Variants in COBLL1 observed in about 807,000 individuals in gnomAD.
COBLL1 encodes the protein cordon-bleu WH2 repeat protein like 1.
A neutral mutation model predicts 94.8 loss-of-function variants in COBLL1; 50 were observed. The ratio of observed to expected loss-of-function variants is 0.53; its 90% CI spans 0.42 to 0.67. The LOEUF (loss-of-function observed/expected upper bound fraction) is 0.67. COBLL1 is among the 30% of genes least tolerant of loss of function. The probability of loss-of-function intolerance (pLI) is 0.00; values close to 1 mark genes in which losing one functional copy is unlikely to be tolerated. For missense variants in COBLL1, 1,362 were observed against 1,348.7 expected (o/e 1.01, Z -0.15); for synonymous variants, 448 against 473.8 (o/e 0.95, Z 0.71).
intron 2 of COBLL1, among the ~76,000 whole-genome samples, chr2:164,753,646 AGTTT>A: frequency 6.6e-6 from 1 of 151,944 alleles, no homozygotes; most frequent in East Asian, 1.9e-4. Context: ...CTACAGTTTT[AGTTT>A]ATTTAGTTTT....
At chr2:164,737,996 A>G (rs770199186) in intron 3 of COBLL1, among the ~76,000 whole-genome samples, 17 of 152,220 alleles carry the variant, frequency 1.1e-4, no homozygotes, top group Non-Finnish European at 1.9e-4. Context: ...GAGATCACAC[A>G]GCAAGTCTAG....
chr2:164,740,324 C>T (rs1384697977), intron 3 of COBLL1, among the ~76,000 whole-genome samples: 2 of 152,068 alleles, frequency 1.3e-5, no homozygotes, highest in Non-Finnish European at 2.9e-5. Flanking sequence ...GCTCTTACCA[C>T]TGCACTCCAG....
intron 2 of COBLL1, among the ~76,000 whole-genome samples, chr2:164,801,382 T>C (rs1683781440): frequency 7.6e-6 from 1 of 131,958 alleles, no homozygotes; most frequent in Non-Finnish European, 1.5e-5. Context: ...GAGCTTGCAG[T>C]GAGCCGAGAT....
intron 1 of COBLL1, among the ~76,000 whole-genome samples, chr2:164,666,100 T>C (rs1317021708): frequency 6.6e-6 from 1 of 152,208 alleles, no homozygotes; most frequent in Non-Finnish European, 1.5e-5. Flanking sequence ...AACATCACTA[T>C]GTATCCCATA....
At chr2:164,792,694 G>T (rs1463527984) in intron 2 of COBLL1, among the ~76,000 whole-genome samples, 1 of 152,122 alleles carries the variant, frequency 6.6e-6, no homozygotes, top group Non-Finnish European at 1.5e-5. Context: ...TGTCTTTAGA[G>T]GAAAAAGACA....
intron 2 of COBLL1, among the ~76,000 whole-genome samples, chr2:164,759,858 C>A (rs116696190): frequency 1.3e-5 from 2 of 152,272 alleles, no homozygotes; most frequent in East Asian, 3.9e-4. Context: ...TGATGATCTA[C>A]CACTACACAC....
In COBLL1 at chr2:164,743,604, C is replaced by A. The variant is rs1686706034; in HGVS notation, c.230+83G>T. The A allele has an allele frequency of 2.7e-6, 3 of 1,097,542 alleles. No individual in the cohort carries two copies. In the East Asian group the frequency reaches 7.2e-5, roughly 26 times the overall value. 68.0% of individuals were successfully genotyped at this position (1,097,542 alleles called of 1,614,324 possible). A position where few individuals can be genotyped will look rare whatever the true frequency, so the allele number is the denominator to read the frequency against. Reference sequence around the variant, plus strand: ...ATAAATGAAGTGTTTTGTCAAAGAACAAACATCAAGACGTATATCACAGAG... The same window carrying A: ...ATAAATGAAGTGTTTTGTCAAAGAAAAAACATCAAGACGTATATCACAGAG... On this transcript the variant is annotated intron_variant, in intron 3 of 13. Transcript: ENST00000652658.
intron 2 of COBLL1, among the ~76,000 whole-genome samples, chr2:164,794,874 A>G (rs1452223737): frequency 6.6e-6 from 1 of 152,218 alleles, no homozygotes; most frequent in Non-Finnish European, 1.5e-5. Context: ...TGAATTCACA[A>G]ATCTTTGCCC....
intron 2 of COBLL1, among the ~76,000 whole-genome samples, chr2:164,809,903 C>T (rs754102054): frequency 1.4e-5 from 2 of 146,868 alleles, no homozygotes; most frequent in African/African-American, 5.0e-5. Flanking sequence ...ATTATTTAAA[C>T]TGTTTAGTAA....
intron 2 of COBLL1, among the ~76,000 whole-genome samples, chr2:164,819,663 G>A (rs1039516546): frequency 1.2e-4 from 19 of 152,084 alleles, no homozygotes; most frequent in Non-Finnish European, 2.1e-4. Context: ...TTGTTTTACT[G>A]TTTATAATCT....
intron 2 of COBLL1, among the ~76,000 whole-genome samples, chr2:164,766,716 A>C (rs1245746779): frequency 6.6e-6 from 1 of 152,192 alleles, no homozygotes; most frequent in Non-Finnish European, 1.5e-5. Context: ...ACTTCACAGC[A>C]TAGATATATA....
At chr2:164,679,126 T>C (rs1345477919), downstream of COBLL1, among the ~76,000 whole-genome samples, 1 of 152,138 alleles carries the variant, frequency 6.6e-6, no homozygotes, top group Admixed American at 6.5e-5. Flanking sequence ...TCATGCACTG[T>C]TGGATTATGT....
At chr2:164,781,983 T>A (rs1272112279) in intron 2 of COBLL1, among the ~76,000 whole-genome samples, 1 of 152,182 alleles carries the variant, frequency 6.6e-6, no homozygotes, top group African/African-American at 2.4e-5. Flanking sequence ...TTCTTTTAAG[T>A]GTTTTTTCTT....
rs976431856 is a variant in COBLL1, at chr2:164,800,642, G to T, written c.41+40514C>A. 12 of 682,412 alleles carry T rather than the reference G, an allele frequency of 1.8e-5. No individual in the cohort carries two copies. The African/African-American group carries it at 2.0e-4, about 11-fold the overall frequency. The allele number at this position is 682,412 out of a possible 1,614,324, so 42.3% of individuals were successfully genotyped here. A position where few individuals can be genotyped will look rare whatever the true frequency, so the allele number is the denominator to read the frequency against. ...TTCTATTCATAATGAACCCAAACTG[G>T]AAACAATCTAACTGGTATTCAATGG... On this transcript the variant is annotated intron_variant, in intron 2 of 13. Transcript: ENST00000652658.
At chr2:164,806,990 C>A (rs531086934) in intron 2 of COBLL1, among the ~76,000 whole-genome samples, 3 of 152,262 alleles carry the variant, frequency 2.0e-5, no homozygotes, top group Admixed American at 2.0e-4. Context: ...ATAGCGTGAG[C>A]CACCATGGCC....
intron 2 of COBLL1, among the ~76,000 whole-genome samples, chr2:164,805,856 G>A (rs1323801010): frequency 6.6e-6 from 1 of 152,152 alleles, no homozygotes; most frequent in Non-Finnish European, 1.5e-5. Context: ...TAAGGAACAT[G>A]ATTGCTGGAT....
chr2:164,710,976 T>C (rs1684869850), intron 7 of COBLL1, among the ~76,000 whole-genome samples: 1 of 152,168 alleles, frequency 6.6e-6, no homozygotes, highest in Non-Finnish European at 1.5e-5. Context: ...CCACTATTTC[T>C]GAATCTGAAT....
chr2:164,763,364 C>T (rs1687786017), intron 2 of COBLL1, among the ~76,000 whole-genome samples: 1 of 151,966 alleles, frequency 6.6e-6, no homozygotes, highest in Non-Finnish European at 1.5e-5. Flanking sequence ...AAAAGAAGCA[C>T]TCTCATACCT....
At chr2:164,766,278 C>CT (rs1489635596) in intron 2 of COBLL1, among the ~76,000 whole-genome samples, 3 of 152,120 alleles carry the variant, frequency 2.0e-5, no homozygotes, top group Non-Finnish European at 4.4e-5. Context: ...TGCATATACC[C>CT]TTTTTTGTAT....
Sources: allele counts gnomAD v4.1 joint callset (sites outside exome capture counted in the v4.1 genomes callset), GRCh38; gene constraint gnomAD v4.1.1; transcripts MANE v1.5; gene names NCBI Gene and HGNC (gene_info 2026-07-23, HGNC 2026-07-21).